The following SHC3 variants were observed in gnomAD, a reference collection of about 807,000 sequenced individuals.
SHC3 encodes the protein SHC-transforming protein 3.
In SHC3, 15 loss-of-function variants were observed where a neutral mutation model predicts 60.4. The ratio of observed to expected loss-of-function variants is 0.25; its 90% CI spans 0.17 to 0.38. The LOEUF is 0.38. SHC3 is among the 10% of genes least tolerant of loss of function. The probability of loss-of-function intolerance (pLI) is 1.00; values close to 1 mark genes in which losing one functional copy is unlikely to be tolerated. For missense variants in SHC3, 677 were observed against 786.1 expected (o/e 0.86, Z 1.66); for synonymous variants, 294 against 325.9 (o/e 0.90, Z 1.05).
At chr9:89,078,175 CTT>C (rs879883731) in intron 2 of SHC3, among the ~76,000 whole-genome samples, 11 of 144,336 alleles carry the variant, frequency 7.6e-5, no homozygotes, top group Non-Finnish European at 6.1e-5. Context: ...CAATGCTACA[CTT>C]TTTTTTTTTT....
rs576622366 is a variant in SHC3, at chr9:89,033,532, C to T, written c.1656+4461G>A. ...TGCTAGTAGCATGCAACCCTCAGCA[C>T]CCCATCACCTCCACAGGCTCTCAAC... On this transcript the variant is annotated intron_variant, in intron 11 of 11. Coordinates refer to ENST00000375835, the MANE Select transcript of SHC3 (RefSeq NM_016848.6). Among the ~76,000 whole-genome samples the T allele has an allele frequency of 5.9e-5, 9 of 152,310 alleles. No individual in the cohort carries two copies. The South Asian group carries it at 1.9e-3, about 32-fold the overall frequency.
At chr9:89,014,503 G>A (rs572057966) in intron 11 of SHC3, among the ~76,000 whole-genome samples, 16 of 152,202 alleles carry the variant, frequency 1.1e-4, no homozygotes, top group Admixed American at 2.0e-4. Context: ...CCACCCTCGC[G>A]GCTATGCTCG....
At chr9:89,043,901 G>A (rs192418594) in intron 9 of SHC3, among the ~76,000 whole-genome samples, 332 of 152,182 alleles carry the variant, frequency 2.2e-3, no homozygotes, top group African/African-American at 7.6e-3. Flanking sequence ...TGATCCACCC[G>A]CCTCGGCTTC....
chr9:89,127,783 C>CT (rs1826186157), intron 1 of SHC3, among the ~76,000 whole-genome samples: 3 of 150,088 alleles, frequency 2.0e-5, no homozygotes, highest in Admixed American at 6.6e-5. Flanking sequence ...CACTCCACCC[C>CT]CCCCCACCAC....
chr9:89,072,778 G>A (rs1264774624), intron 4 of SHC3, among the ~76,000 whole-genome samples: 1 of 151,988 alleles, frequency 6.6e-6, no homozygotes, highest in Admixed American at 6.6e-5. Flanking sequence ...AGTCCCCTTG[G>A]GCCCTTGTCC....
At chr9:89,028,781 T>C (rs1824419086) in intron 11 of SHC3, among the ~76,000 whole-genome samples, 1 of 146,168 alleles carries the variant, frequency 6.8e-6, no homozygotes, top group Non-Finnish European at 1.5e-5. Flanking sequence ...TCTATATAGA[T>C]ATAGAGAGAT....
At chr9:89,132,677 T>C (rs1826264470) in intron 1 of SHC3, among the ~76,000 whole-genome samples, 1 of 152,188 alleles carries the variant, frequency 6.6e-6, no homozygotes, top group African/African-American at 2.4e-5. Context: ...CCCTATTTAA[T>C]AAATGGTGCT....
intron 1 of SHC3, among the ~76,000 whole-genome samples, chr9:89,147,372 C>G (rs1398893715): frequency 6.6e-6 from 1 of 152,134 alleles, no homozygotes; most frequent in African/African-American, 2.4e-5. Context: ...GCTTCACCCA[C>G]CTTCTGCCCT....
chr9:89,147,647 CAT>C (rs1205065614), intron 1 of SHC3, among the ~76,000 whole-genome samples: 1 of 152,190 alleles, frequency 6.6e-6, no homozygotes, highest in African/African-American at 2.4e-5. Flanking sequence ...GTCCTGTTAA[CAT>C]TGACTTCTTT....
At chr9:89,099,120 T>C (rs1318851405) in intron 2 of SHC3, among the ~76,000 whole-genome samples, 2 of 152,170 alleles carry the variant, frequency 1.3e-5, no homozygotes, top group African/African-American at 2.4e-5. Flanking sequence ...CTATATTCAA[T>C]AGAATTGAAG....
chr9:89,040,252 AAATTACCATCAGCAGCAGCACCAT>A (rs1824665636), intron 10 of SHC3, among the ~76,000 whole-genome samples: 3 of 1,124 alleles, frequency 2.7e-3, no homozygotes, highest in Admixed American at 0.01. Flanking sequence ...ACCACCATCA[AAATTACCATCAGCAGCAGCACCAT>A]CATCACCACC....
chr9:89,106,839 T>A (rs1039937810), intron 2 of SHC3, among the ~76,000 whole-genome samples: 1 of 152,154 alleles, frequency 6.6e-6, no homozygotes, highest in Non-Finnish European at 1.5e-5. Context: ...TCCACAGTGA[T>A]GTCTGTTTAA....
At chr9:89,167,435 A>C (rs903555676) in intron 1 of SHC3, among the ~76,000 whole-genome samples, 1 of 152,186 alleles carries the variant, frequency 6.6e-6, no homozygotes, top group Non-Finnish European at 1.5e-5. Context: ...GGGCTGACCA[A>C]GCAAGGGGTA....
Position 89,037,979 on chromosome 9 carries a change from C to T in SHC3, c.1656+14G>A, listed in dbSNP as rs202188394. On this transcript the variant is annotated intron_variant, in intron 11 of 11. Coordinates refer to ENST00000375835, the MANE Select transcript of SHC3 (RefSeq NM_016848.6). ...CCACTGGCAGGTCCGGCCCCACCCC[C>T]ACTGGGTGCTCACCGTGCCTTCTGG... 1.9e-6 allele frequency: 3 copies of T among 1,603,482 alleles called. No homozygotes were observed. Among genetic ancestry groups the T allele is most frequent in the Non-Finnish European group, 2.5e-6 (3 of 1,179,048 alleles).
At chr9:89,016,447 A>T (rs188426066) in intron 11 of SHC3, among the ~76,000 whole-genome samples, 222 of 152,274 alleles carry the variant, frequency 1.5e-3, no homozygotes, top group Admixed American at 2.8e-3. Flanking sequence ...ATTCCTTGAA[A>T]GACACAACTT....
intron 2 of SHC3, among the ~76,000 whole-genome samples, chr9:89,079,174 G>A (rs902315208): frequency 1.3e-5 from 2 of 152,164 alleles, no homozygotes; most frequent in African/African-American, 4.8e-5. Flanking sequence ...TGATGTTTAT[G>A]CTTACTCTTA....
chr9:89,018,550 G>A (rs546923629), intron 11 of SHC3, among the ~76,000 whole-genome samples: 27 of 152,212 alleles, frequency 1.8e-4, no homozygotes, highest in Admixed American at 3.9e-4. Context: ...ATGGGTTGAT[G>A]AGCACAGCAA....
At chr9:89,121,064 G>A (rs1014792098) in intron 1 of SHC3, among the ~76,000 whole-genome samples, 2 of 152,080 alleles carry the variant, frequency 1.3e-5, no homozygotes, top group African/African-American at 4.8e-5. Context: ...ACTTAGGCAT[G>A]CTAAACAACA....
At chr9:89,083,938 T>C (rs1825486809) in intron 2 of SHC3, among the ~76,000 whole-genome samples, 1 of 152,180 alleles carries the variant, frequency 6.6e-6, no homozygotes. Context: ...ACAGAACCAA[T>C]GGCTTCTTCC....
Sources: allele counts gnomAD v4.1 joint callset (sites outside exome capture counted in the v4.1 genomes callset), GRCh38; gene constraint gnomAD v4.1.1; transcripts MANE v1.5; gene names NCBI Gene and HGNC (gene_info 2026-07-23, HGNC 2026-07-21).